Variants in RAD51B observed in about 807,000 individuals in gnomAD.
RAD51B encodes RAD51 paralog B, also known as DNA repair protein RAD51 homolog 2.
Under a neutral mutation model 42.2 loss-of-function variants are expected in RAD51B, and 38 were observed. The observed-to-expected ratio is 0.90, with a 90% CI of 0.70 to 1.18. The LOEUF (loss-of-function observed/expected upper bound fraction) is 1.18, where lower values mean the gene tolerates loss of function less well. RAD51B is among the 50% of genes most tolerant of loss of function. RAD51B has a pLI of 0.00. For synonymous variants in RAD51B, 154 were observed against 145.2 expected (o/e 1.06, Z -0.43); for missense variants, 373 against 400.7 (o/e 0.93, Z 0.59).
chr14:67,861,254 A>G (rs1205630728), intron 4 of RAD51B, among the ~76,000 whole-genome samples: 1 of 152,128 alleles, frequency 6.6e-6, no homozygotes, highest in Non-Finnish European at 1.5e-5. Flanking sequence ...GTACTCTATA[A>G]TGAGATGAGA....
In RAD51B at chr14:68,549,900, G is replaced by A. The variant is rs948557796; in HGVS notation, c.1037-44585G>A. Among the ~76,000 whole-genome samples the A allele has an allele frequency of 2.6e-5, 4 of 152,318 alleles. No individual in the cohort carries two copies. The South Asian group carries it at 8.3e-4, about 32-fold the overall frequency. On this transcript the variant is annotated intron_variant, in intron 10 of 10. Coordinates refer to the RAD51B transcript ENST00000487270. ...AGGCAGCCTCTTAAAACTTCGGTCA[G>A]CTCTGACCGTTGTCTAATAATTCTT...
intron 7 of RAD51B, among the ~76,000 whole-genome samples, chr14:68,227,882 C>A (rs1425713538): frequency 6.6e-6 from 1 of 152,066 alleles, no homozygotes; most frequent in Non-Finnish European, 1.5e-5. Flanking sequence ...AATTTTGTTC[C>A]TTTAGAACCA....
At chr14:68,676,636 G>T (rs1893311399) in intron 11 of RAD51B, among the ~76,000 whole-genome samples, 1 of 152,248 alleles carries the variant, frequency 6.6e-6, no homozygotes, top group Non-Finnish European at 1.5e-5. Context: ...CGTTCAGGAA[G>T]GTGTACATGT....
intron 7 of RAD51B, among the ~76,000 whole-genome samples, chr14:67,932,192 A>G (rs4450323): frequency 0.46 from 70,336 of 151,992 alleles, 19,689 homozygotes; most frequent in Non-Finnish European, 0.64. Flanking sequence ...TGTGTACCCA[A>G]TGTTTAGCTC....
At chr14:67,926,686 C>T (rs984327078) in intron 7 of RAD51B, among the ~76,000 whole-genome samples, 1 of 151,204 alleles carries the variant, frequency 6.6e-6, no homozygotes, top group African/African-American at 2.4e-5. Context: ...GCCTCAGCCT[C>T]CCAAGTAGCT....
intron 10 of RAD51B, among the ~76,000 whole-genome samples, chr14:68,537,314 C>G (rs970905403): frequency 6.6e-6 from 1 of 151,806 alleles, no homozygotes; most frequent in Non-Finnish European, 1.5e-5. Context: ...CTGGCTAACA[C>G]GGTGAAACCC....
intron 7 of RAD51B, among the ~76,000 whole-genome samples, chr14:68,171,159 C>T (rs547729193): frequency 1.3e-5 from 2 of 152,296 alleles, no homozygotes; most frequent in South Asian, 4.1e-4. Context: ...TGAAGAATTT[C>T]TGACTTACTT....
intron 11 of RAD51B, among the ~76,000 whole-genome samples, chr14:68,663,101 G>A (rs1245543300): frequency 6.6e-6 from 1 of 152,162 alleles, no homozygotes; most frequent in African/African-American, 2.4e-5. Flanking sequence ...CGGAGTTTGA[G>A]ACCAGCCTGG....
chr14:68,569,108 C>T (rs754659864), intron 10 of RAD51B, among the ~76,000 whole-genome samples: 1 of 152,190 alleles, frequency 6.6e-6, no homozygotes, highest in African/African-American at 2.4e-5. Context: ...TCTGTATTTC[C>T]CTTCGGCATC....
At chr14:68,220,741 A>G (rs2079908119) in intron 7 of RAD51B, among the ~76,000 whole-genome samples, 2 of 152,212 alleles carry the variant, frequency 1.3e-5, no homozygotes, top group South Asian at 4.1e-4. Context: ...CTTAGAACTG[A>G]TAAATGAATT....
intron 7 of RAD51B, among the ~76,000 whole-genome samples, chr14:68,187,176 T>G (rs2079175173): frequency 6.6e-6 from 1 of 152,018 alleles, no homozygotes; most frequent in South Asian, 2.1e-4. Context: ...AACATAAAGA[T>G]GGCAACAGTC....
intron 8 of RAD51B, among the ~76,000 whole-genome samples, chr14:68,398,371 A>G (rs1594780073): frequency 6.6e-6 from 1 of 152,126 alleles, no homozygotes; most frequent in African/African-American, 2.4e-5. Context: ...TTGCTCCCCT[A>G]CTTGCACTCT....
At chr14:67,864,786 A>G in intron 4 of RAD51B, 2 of 756,180 alleles carry the variant, frequency 2.6e-6, no homozygotes, top group Non-Finnish European at 4.4e-6. Flanking sequence ...AATTCCTCCA[A>G]GGATGGTACA....
intron 7 of RAD51B, among the ~76,000 whole-genome samples, chr14:68,283,117 G>A (rs1164701469): frequency 2.6e-5 from 4 of 152,194 alleles, no homozygotes; most frequent in Non-Finnish European, 4.4e-5. Flanking sequence ...GTGAGGGACC[G>A]ATCACAAAGC....
intron 10 of RAD51B, among the ~76,000 whole-genome samples, chr14:68,557,461 G>T (rs994151203): frequency 1.3e-5 from 2 of 152,208 alleles, no homozygotes; most frequent in African/African-American, 4.8e-5. Context: ...GAATCATTTA[G>T]TTGAATCATT....
chr14:67,831,513 T>A (rs752046330), intron 3 of RAD51B, among the ~76,000 whole-genome samples: 1 of 152,162 alleles, frequency 6.6e-6, no homozygotes, highest in Non-Finnish European at 1.5e-5. Context: ...ATACTACTTT[T>A]CTGAAGTTTT....
chr14:68,404,099 C>T (rs1035671080), intron 8 of RAD51B, among the ~76,000 whole-genome samples: 6 of 152,180 alleles, frequency 3.9e-5, no homozygotes, highest in African/African-American at 1.4e-4. Flanking sequence ...CTCTATGTAG[C>T]TTACACAGAG....
intron 7 of RAD51B, among the ~76,000 whole-genome samples, chr14:68,144,473 G>A (rs2078209104): frequency 6.6e-6 from 1 of 152,222 alleles, no homozygotes; most frequent in Non-Finnish European, 1.5e-5. Flanking sequence ...GACTGACTTT[G>A]TGGCCTTAAT....
At chr14:67,948,888 C>T (rs931551060) in intron 7 of RAD51B, among the ~76,000 whole-genome samples, 2 of 138,648 alleles carry the variant, frequency 1.4e-5, no homozygotes, top group East Asian at 2.1e-4. Context: ...GCTGAGATCA[C>T]GCCGCTGCAT....
Sources: allele counts gnomAD v4.1 joint callset (sites outside exome capture counted in the v4.1 genomes callset), GRCh38; gene constraint gnomAD v4.1.1; transcripts MANE v1.5; gene names NCBI Gene and HGNC (gene_info 2026-07-23, HGNC 2026-07-21).